MYBL2: variants seen among roughly 807,000 people sequenced by gnomAD.
MYBL2 encodes the protein myb-related protein B.
MYBL2 carries 28 observed loss-of-function variants against 79.9 expected under a neutral mutation model. That is an observed-to-expected ratio of 0.35 (90% CI 0.26 to 0.48). MYBL2 has a LOEUF of 0.48. MYBL2 is among the 20% of genes least tolerant of loss of function. The pLI is 0.99. For synonymous variants in MYBL2, 378 were observed against 361.2 expected, an observed-to-expected ratio of 1.05 and a Z score of -0.53; for missense variants, 735 against 893.9, an observed-to-expected ratio of 0.82 and a Z score of 2.27.
intron 4 of MYBL2, among the ~76,000 whole-genome samples, chr20:43,684,266 C>G (rs1987215572): frequency 6.7e-6 from 1 of 149,634 alleles, no homozygotes; most frequent in African/African-American, 2.5e-5. Context: ...GAGACTGAGT[C>G]TTGCTCTGTC....
Position 43,699,874 on chromosome 20 carries a change from C to G in MYBL2, c.781C>G (p.Leu261Val). 2 of 1,614,112 alleles carry G rather than the reference C, an allele frequency of 1.2e-6. No individual in the cohort carries two copies. The highest frequency in any genetic ancestry group is 1.1e-5 in the South Asian group (1 of 91,072). Residue 261 changes from leucine to valine, a missense_variant, in exon 7 of 14, where the codon CTG becomes GTG. Physicochemically the swap from Leu to Val is conservative, Grantham distance 32. Coordinates refer to ENST00000217026, the MANE Select transcript of MYBL2 (RefSeq NM_002466.4). ...SKEQEPIGTD[L>V]DAVRTPEPLE... ...GGAACAGGAGCCCATCGGTACAGAT[C>G]TGGACGCAGTGCGAACACCAGAGCC...
intron 1 of MYBL2, among the ~76,000 whole-genome samples, chr20:43,668,105 A>T: frequency 6.6e-6 from 1 of 151,726 alleles, no homozygotes; most frequent in Non-Finnish European, 1.5e-5. Context: ...CTGAGCTCCA[A>T]GCTTTTCAGC....
intron 6 of MYBL2, among the ~76,000 whole-genome samples, chr20:43,698,661 A>ATTTTTT (rs1188859456): frequency 8.6e-6 from 1 of 115,916 alleles, no homozygotes; most frequent in Non-Finnish European, 1.8e-5. Context: ...TACAGGCGTG[A>ATTTTTT]TTTTTTTTTT....
chr20:43,705,168 A>G (rs774257215), intron 8 of MYBL2, 51 bp from the exon 9 acceptor site: 2 of 1,598,714 alleles, frequency 1.3e-6, no homozygotes, highest in East Asian at 2.2e-5. Flanking sequence ...GGTCTCAGGG[A>G]TACTCATGCA....
intron 8 of MYBL2, among the ~76,000 whole-genome samples, chr20:43,703,957 C>T (rs1987726062): frequency 6.6e-6 from 1 of 152,098 alleles, no homozygotes; most frequent in African/African-American, 2.4e-5. Context: ...TGTAAAACCT[C>T]TTATTTTATA....
rs139990416 is a variant in MYBL2 at position 43,681,845 on chromosome 20, G to A, written c.176G>A (p.Ser59Asn). 1.5e-5 allele frequency: 25 copies of A among 1,614,200 alleles called. No homozygotes were observed. The highest frequency in any genetic ancestry group is 1.9e-5 in the Non-Finnish European group (23 of 1,180,026). The part of the protein sequence containing the change: ...FGQQDWKFLA[S>N]HFPNRTDQQC... ...CAGCAGGACTGGAAGTTCCTGGCCAGCCACTTCCCTGTGAGTACAGTCCTG... is the reference window on the plus strand; with the variant it reads ...CAGCAGGACTGGAAGTTCCTGGCCAACCACTTCCCTGTGAGTACAGTCCTG... The change falls in exon 3 of 14, where the codon AGC becomes AAC. Residue 59 changes from serine (S) to asparagine (N), a missense_variant. By Grantham distance (46) the Ser-to-Asn change is conservative. Transcript: ENST00000217026.
At chr20:43,690,431 C>T (rs1268330310) in intron 5 of MYBL2, among the ~76,000 whole-genome samples, 4 of 152,120 alleles carry the variant, frequency 2.6e-5, no homozygotes, top group African/African-American at 7.2e-5. Context: ...GTGTTGAACT[C>T]CTGACCTTAG....
At chr20:43,669,327 G>C (rs1213083563) in intron 1 of MYBL2, among the ~76,000 whole-genome samples, 1 of 152,224 alleles carries the variant, frequency 6.6e-6, no homozygotes. Flanking sequence ...TGTTCAGGAA[G>C]AGTTATTCCA....
At chr20:43,695,915 C>T (rs1303594374) in intron 6 of MYBL2, among the ~76,000 whole-genome samples, 2 of 152,102 alleles carry the variant, frequency 1.3e-5, no homozygotes, top group Non-Finnish European at 1.5e-5. Flanking sequence ...GAGGCTGAGG[C>T]ACGATAATTG....
chr20:43,679,551 C>G (rs1414537640), intron 2 of MYBL2, among the ~76,000 whole-genome samples: 6 of 151,942 alleles, frequency 3.9e-5, no homozygotes, highest in Admixed American at 3.9e-4. Context: ...GGAGGATTGC[C>G]TGAGTGTAAG....
rs1987396472 is a variant in MYBL2, at chr20:43,691,144, T to TC, written c.501-1013_501-1012insC. On this transcript the variant is annotated intron_variant, in intron 5 of 13. Transcript: ENST00000217026. ...GGGCCTTCTGCCCTCTTTGGCCACT[T>TC]ATCAGTCTGTGGGAGGTGAACAGGC... 3.3e-5 allele frequency among the ~76,000 whole-genome samples: 5 copies of TC among 152,180 alleles called. 1 individual carries two copies. The highest frequency in any genetic ancestry group is 1.2e-4 in the African/African-American group (5 of 41,522).
chr20:43,674,945 A>C (rs796205440), intron 2 of MYBL2, among the ~76,000 whole-genome samples: 1 of 152,186 alleles, frequency 6.6e-6, no homozygotes, highest in Non-Finnish European at 1.5e-5. Context: ...TGTGATTGAA[A>C]TATAATTTAT....
chr20:43,701,740 G>T (rs937985677), intron 7 of MYBL2, among the ~76,000 whole-genome samples: 3 of 152,216 alleles, frequency 2.0e-5, no homozygotes, highest in Admixed American at 1.3e-4. Flanking sequence ...ATATCTGCAG[G>T]CTGGGTACTG....
rs1024600637 is a variant in MYBL2, at chr20:43,682,868, C to G, written c.261C>G (p.Thr87=). 9 of 1,613,928 alleles carry G rather than the reference C, an allele frequency of 5.6e-6. No individual in the cohort carries two copies. The highest frequency in any genetic ancestry group is 3.3e-5 in the Admixed American group (2 of 60,000). The change falls in exon 4 of 14, where the codon ACC becomes ACG. Residue 87 remains threonine (T), a synonymous_variant. Coordinates refer to ENST00000217026, the MANE Select transcript of MYBL2 (RefSeq NM_002466.4). ...LNPDLVKGPW[T]KEEDQKVIEL... is the part of the protein sequence containing the mutation. ...CAGACCTTGTCAAGGGGCCATGGAC[C>G]AAAGAGGAAGACCAAAAAGTAACTG...
chr20:43,671,576 G>A (rs1406155320), intron 1 of MYBL2, among the ~76,000 whole-genome samples: 2 of 146,018 alleles, frequency 1.4e-5, no homozygotes, highest in Non-Finnish European at 3.0e-5. Context: ...AGGTTCAAGC[G>A]ATTCTCCTGC....
intron 6 of MYBL2, 37 bp downstream of exon 6, chr20:43,692,356 T>A: frequency 1.9e-6 from 3 of 1,610,764 alleles, no homozygotes; most frequent in Non-Finnish European, 2.5e-6. Context: ...TGGTTTGATT[T>A]CACATTCATC....
At chr20:43,672,013 G>A (rs553547755) in intron 1 of MYBL2, among the ~76,000 whole-genome samples, 2 of 150,988 alleles carry the variant, frequency 1.3e-5, no homozygotes, top group South Asian at 2.1e-4. Flanking sequence ...TTCAAGACCA[G>A]CCTGGCCAAG....
chr20:43,684,265 T>G (rs1383059628), intron 4 of MYBL2, among the ~76,000 whole-genome samples: 2 of 151,034 alleles, frequency 1.3e-5, no homozygotes, highest in Non-Finnish European at 2.9e-5. Context: ...TGAGACTGAG[T>G]CTTGCTCTGT....
chr20:43,707,805 C>T (rs1987825246), intron 9 of MYBL2, among the ~76,000 whole-genome samples: 1 of 152,134 alleles, frequency 6.6e-6, no homozygotes, highest in African/African-American at 2.4e-5. Flanking sequence ...AGATTCAAAC[C>T]TTGAGCTGAG....
Sources: gnomAD v4.1 joint callset for allele counts (sites outside exome capture counted in the v4.1 genomes callset) on GRCh38, gnomAD v4.1.1 for gene constraint, MANE v1.5 for transcripts, NCBI Gene and HGNC (gene_info 2026-07-23, HGNC 2026-07-21) for gene names.